VWF: variants seen among roughly 807,000 people sequenced by gnomAD.
VWF encodes von Willebrand factor, also known as Factor VIII related antigen.
VWF carries 176 observed loss-of-function variants against 308.6 expected under a neutral mutation model. That is an observed-to-expected ratio of 0.57 (90% CI 0.50 to 0.65). VWF has a LOEUF of 0.65. Among genes scored for constraint, VWF ranks in the 30% least tolerant of loss-of-function variants. VWF has a pLI of 0.00. For synonymous variants in VWF, 1,385 were observed against 1,443.4 expected, an observed-to-expected ratio of 0.96 and a Z score of 0.92; for missense variants, 3,146 against 3,648.2, an observed-to-expected ratio of 0.86 and a Z score of 3.55.
intron 30 of VWF, 55 bp from the exon 31 acceptor site, chr12:6,016,287 T>C (rs1180864738): frequency 3.1e-6 from 5 of 1,613,018 alleles, no homozygotes; most frequent in Non-Finnish European, 4.2e-6. Context: ...CTCGACACCC[T>C]GTCTTAACGG....
intron 42 of VWF, 101 bp from the exon 43 acceptor site, chr12:5,976,361 G>T: frequency 1.3e-6 from 2 of 1,505,114 alleles, no homozygotes; most frequent in Non-Finnish European, 1.8e-6. Flanking sequence ...CTGAGAATGT[G>T]GCAATAAATA....
chr12:6,044,299 G>A lies in VWF; in HGVS notation c.2434C>T (p.Pro812Ser). 6.2e-7 allele frequency: 1 copy of A among 1,614,072 alleles called. No homozygotes were observed. Among genetic ancestry groups the A allele is most frequent in the South Asian group, 1.1e-5 (1 of 91,070 alleles). ...TGTGCCTGGTGACTCACCATGCCCG[G>A]GGGGCAGAGGCAGCCAGAGACACAG... ...MGCVSGCLCP[P>S]GMVRHENRCV... is the part of the protein sequence containing the mutation. Residue 812 changes from proline (P) to serine (S), a missense_variant, in exon 18 of 52, where the codon CCG (proline) becomes TCG (serine). Physicochemically the swap from Pro to Ser is moderately conservative, Grantham distance 74. Around this residue, in one of 3 missense-constraint regions of VWF, gnomAD observed 1,304 missense variants for 1,353.0 expected, o/e 0.96. Transcript: ENST00000261405.
rs773863759 is a variant in VWF, at chr12:6,019,614, G to A, written c.3804C>T (p.His1268=). 8.1e-6 allele frequency: 13 copies of A among 1,613,840 alleles called. No homozygotes were observed. Among genetic ancestry groups the A allele is most frequent in the South Asian group, 4.4e-5 (4 of 91,078 alleles). ...YVEDISEPPL[H]DFYCSRLLDL... is the part of the protein sequence containing the mutation. ...CCAGTAGCCTGCTGCAGTAGAAATC[G>A]TGCAACGGCGGTTCCGAGATGTCCT... The change falls in exon 28 of 52, where the codon CAC becomes CAT. Residue 1268 remains histidine, a synonymous_variant. Coordinates refer to ENST00000261405, the MANE Select transcript of VWF (RefSeq NM_000552.5). The surrounding 1 kb of genome is among the most constrained non-coding windows in gnomAD (Gnocchi z 5.8).
At position 5,969,228 on chromosome 12, in the gene VWF, C is replaced by A. The variant is rs1258347142; in HGVS notation, c.7712G>T (p.Cys2571Phe). 1.2e-6 allele frequency: 2 copies of A among 1,613,680 alleles called. No individual in the cohort carries two copies. The highest frequency in any genetic ancestry group is 2.2e-5 in the South Asian group (2 of 90,970). ...TGCCTTACCACAGCGACAGCTTGGG[C>A]AGCACGCTGAGGTCTTACAGCTCAG... ...FQLSCKTSACCPSCRCERMEA... is the reference protein window; with the variant it reads ...FQLSCKTSACFPSCRCERMEA... Residue 2571 changes from cysteine (C) to phenylalanine (F), a missense_variant, in exon 45 of 52, where the codon TGC (cysteine) becomes TTC (phenylalanine). By Grantham distance (205) the Cys-to-Phe change is radical. This residue lies in a region of VWF where 989 missense variants were observed against 1,117.4 expected (regional missense o/e 0.89). Transcript: ENST00000261405.
chr12:6,090,564 CG>C (rs1565385664), intron 6 of VWF, among the ~76,000 whole-genome samples: 1 of 152,078 alleles, frequency 6.6e-6, no homozygotes, highest in East Asian at 1.9e-4. Flanking sequence ...GCGGAAAACA[CG>C]GGACAGTGGG....
At chr12:5,990,869 A>T (rs1390367335) in intron 38 of VWF, among the ~76,000 whole-genome samples, 1 of 33,324 alleles carries the variant, frequency 3.0e-5, no homozygotes. Context: ...CCATAGAGCT[A>T]AAAAAAAAAA....
In VWF at chr12:6,018,979, G is replaced by C. The variant is rs778742589; in HGVS notation, c.4439C>G (p.Pro1480Arg). ...CAGGGTCGAAACCCCCAAGAGCCCC[G>C]GGCCCACAGTGACTTGTGCCATGTC... ...PPDMAQVTVG[P>R]GLLGVSTLGP... Residue 1480 changes from proline (P) to arginine (R), a missense_variant, in exon 28 of 52, where the codon CCG becomes CGG. Pro to Arg is a moderately radical substitution (Grantham distance 103). This residue lies in a region of VWF where 853 missense variants were observed against 1,177.8 expected (regional missense o/e 0.72). Transcript: ENST00000261405. 1.2e-6 allele frequency: 2 copies of C among 1,613,924 alleles called. No homozygotes were observed. The highest frequency in any genetic ancestry group is 8.5e-7 in the Non-Finnish European group (1 of 1,179,862).
At chr12:6,088,838 A>T (rs1352949881) in intron 6 of VWF, among the ~76,000 whole-genome samples, 1 of 152,236 alleles carries the variant, frequency 6.6e-6, no homozygotes, top group Admixed American at 6.5e-5. Context: ...TTTGCATGCA[A>T]TCAAACAAGG....
In VWF at chr12:6,013,600, G is replaced by C. The variant is rs745399451; in HGVS notation, c.5501C>G (p.Ala1834Gly). The C allele has an allele frequency of 1.2e-6, 2 of 1,613,786 alleles. No homozygotes were observed. Among genetic ancestry groups the C allele is most frequent in the Admixed American group, 3.3e-5 (2 of 60,014 alleles). Residue 1834 changes from alanine to glycine, a missense_variant, in exon 32 of 52, where the codon GCC (alanine) becomes GGC (glycine). This residue lies in a region of VWF where 853 missense variants were observed against 1,177.8 expected (regional missense o/e 0.72). Coordinates refer to ENST00000261405, the MANE Select transcript of VWF (RefSeq NM_000552.5). ...PIGIGDRYDA[A>G]QLRILAGPAG... is the part of the protein sequence containing the mutation. ...TGGGCCTGCCAAGATCCGTAGCTGG[G>C]CTGCATCGTAGCGATCTCCAATTCC...
intron 6 of VWF, among the ~76,000 whole-genome samples, chr12:6,078,330 G>A (rs910905971): frequency 4.6e-5 from 7 of 152,194 alleles, no homozygotes; most frequent in African/African-American, 1.7e-4. Context: ...GTAGCAGGGA[G>A]GGAACCTCTC....
chr12:6,086,626 GAGA>G (rs761475793), intron 6 of VWF, among the ~76,000 whole-genome samples: 2 of 152,178 alleles, frequency 1.3e-5, no homozygotes, highest in South Asian at 4.1e-4. Flanking sequence ...AAGAGGCAAG[GAGA>G]AGAAGGAGGG....
intron 6 of VWF, among the ~76,000 whole-genome samples, chr12:6,092,519 C>G (rs3063460): frequency 0.79 from 104,735 of 132,826 alleles, 38,445 homozygotes; most frequent in Non-Finnish European, 0.83. Flanking sequence ...ATGTGTTTGT[C>G]TGTGTGTGTG....
At chr12:5,971,151 C>A (rs976144490) in intron 44 of VWF, among the ~76,000 whole-genome samples, 2 of 152,192 alleles carry the variant, frequency 1.3e-5, no homozygotes, top group African/African-American at 4.8e-5. Flanking sequence ...AATACTGTTC[C>A]TTTTCTGGGT....
Position 6,104,403 on chromosome 12 carries a change from G to A in VWF, c.532+5971C>T, listed in dbSNP as rs539146147. 8.7e-3 allele frequency among the ~76,000 whole-genome samples: 1,315 copies of A among 151,490 alleles called. 10 individuals carry two copies. Among genetic ancestry groups the A allele is most frequent in the Non-Finnish European group, 0.013 (849 of 67,874 alleles). On this transcript the variant is annotated intron_variant, in intron 5 of 51. Transcript: ENST00000261405. ...AGAACTTTAAAAAAAAAAAAAATAG[G>A]ACTGCCAGGCGCGGTGGCTCACACC...
intron 28 of VWF, 151 bp from the exon 29 acceptor site, chr12:6,017,021 C>T: frequency 3.7e-6 from 3 of 801,084 alleles, no homozygotes; most frequent in South Asian, 2.8e-5. Flanking sequence ...AGTACAAGGG[C>T]AATGTGGGCC....
intron 3 of VWF, among the ~76,000 whole-genome samples, chr12:6,113,039 G>A (rs1173388620): frequency 1.3e-5 from 2 of 152,106 alleles, no homozygotes; most frequent in Admixed American, 1.3e-4. Context: ...GCAGCCACCA[G>A]GAAAGACACA....
In VWF at chr12:6,110,366, C is replaced by T. The variant is rs776822281; in HGVS notation, c.532+8G>A. 5 of 1,613,872 alleles carry T rather than the reference C, an allele frequency of 3.1e-6. No homozygotes were observed. The highest frequency in any genetic ancestry group is 4.2e-6 in the Non-Finnish European group (5 of 1,179,738). Reference sequence around the variant, plus strand: ...ACTTTAGGGAAATGGTATCCCAGAACATCTTACCTTCTTGGGTCATAAAGT... The same window carrying T: ...ACTTTAGGGAAATGGTATCCCAGAATATCTTACCTTCTTGGGTCATAAAGT... On this transcript the variant is annotated splice_region_variant and intron_variant, in intron 5 of 51. Transcript: ENST00000261405.
At chr12:6,086,982 A>C (rs1351988266) in intron 6 of VWF, among the ~76,000 whole-genome samples, 1 of 152,200 alleles carries the variant, frequency 6.6e-6, no homozygotes, top group Non-Finnish European at 1.5e-5. Context: ...GCTGTTTCAG[A>C]GGAGGCGGAA....
At chr12:6,016,041 T>G in intron 31 of VWF, 48 bp downstream of exon 31, 1 of 1,613,080 alleles carries the variant, frequency 6.2e-7, no homozygotes, top group South Asian at 1.1e-5. Flanking sequence ...CTCTATCATT[T>G]CTGAAGTCTC....
Sources: gnomAD v4.1 joint callset for allele counts (sites outside exome capture counted in the v4.1 genomes callset) on GRCh38, gnomAD v4.1.1 for gene constraint, gnomAD v4.1.1 regional missense constraint, Gnocchi (gnomAD v3.1) non-coding constraint, MANE v1.5 for transcripts, NCBI Gene and HGNC (gene_info 2026-07-23, HGNC 2026-07-21) for gene names.